Variants in SNTG1 observed in about 807,000 individuals in gnomAD.
The protein encoded by SNTG1 is gamma-1-syntrophin.
Under a neutral mutation model 74.7 loss-of-function variants are expected in SNTG1, and 39 were observed. The observed-to-expected ratio is 0.52, with a 90% CI of 0.40 to 0.68. The LOEUF is 0.68. SNTG1 is among the 30% of genes least tolerant of loss of function. The pLI is 0.00. For missense variants in SNTG1, 685 were observed against 609.5 expected, an observed-to-expected ratio of 1.12 and a Z score of -1.30; for synonymous variants, 254 against 217.1, an observed-to-expected ratio of 1.17 and a Z score of -1.49.
In SNTG1 at chr8:50,421,178, A is replaced by G. The variant is rs572782811; in HGVS notation, c.163-17365A>G. On this transcript the variant is annotated intron_variant, in intron 4 of 18. Transcript: ENST00000642720. ...ATCCATACCCCAAGAGAGGGCTCTT[A>G]GATCTCCACAAGAAAGAATTCAGTG... is the stretch of plus-strand genomic sequence containing the variant. Among the ~76,000 whole-genome samples, 1,398 of 152,182 alleles carry G rather than the reference A, an allele frequency of 9.2e-3. 26 individuals are homozygous for G. The highest frequency in any genetic ancestry group is 0.032 in the African/African-American group (1,326 of 41,516).
chr8:50,422,277 A>ATCTATCTG (rs58396998), intron 4 of SNTG1, among the ~76,000 whole-genome samples: 8,506 of 151,668 alleles, frequency 0.056, 288 homozygotes, highest in Admixed American at 0.09. Context: ...TCTACTATCT[A>ATCTATCTG]TCTATCTATG....
chr8:50,062,826 T>A (rs1030612540), intron 1 of SNTG1, among the ~76,000 whole-genome samples: 1 of 152,234 alleles, frequency 6.6e-6, no homozygotes, highest in Non-Finnish European at 1.5e-5. Flanking sequence ...TTTCATATAT[T>A]TTGTATTTTA....
chr8:50,211,290 T>C (rs1224842411), intron 2 of SNTG1, among the ~76,000 whole-genome samples: 1 of 152,142 alleles, frequency 6.6e-6, no homozygotes, highest in African/African-American at 2.4e-5. Flanking sequence ...ATTTTTAATA[T>C]CTTAAATGCA....
At chr8:50,220,813 A>G (rs1487291168) in intron 2 of SNTG1, among the ~76,000 whole-genome samples, 2 of 152,194 alleles carry the variant, frequency 1.3e-5, no homozygotes, top group Non-Finnish European at 2.9e-5. Flanking sequence ...TCTATTTCCC[A>G]ATAAAGATAT....
chr8:50,673,866 A>T (rs7824609), intron 15 of SNTG1, among the ~76,000 whole-genome samples: 6,619 of 152,210 alleles, frequency 0.043, 381 homozygotes, highest in South Asian at 0.12. Context: ...TACCTAGTTT[A>T]TTGAGAGTTT....
At position 50,694,438 on chromosome 8, in the gene SNTG1, G is replaced by A. The variant is rs573352497; in HGVS notation, c.1039-10162G>A. Among the ~76,000 whole-genome samples the A allele has an allele frequency of 7.2e-5, 11 of 152,220 alleles. No homozygotes were observed. The South Asian group carries it at 2.1e-3, about 29-fold the overall frequency. On this transcript the variant is annotated intron_variant, in intron 15 of 18. Transcript: ENST00000642720. ...AATAATGAGTGAGGAGACTGAATTAGTAATAAGAAGTCTCCCATCAGAGAA... is the reference window on the plus strand; with the variant it reads ...AATAATGAGTGAGGAGACTGAATTAATAATAAGAAGTCTCCCATCAGAGAA...
chr8:49,914,911 T>A (rs1391461116), intron 1 of SNTG1: 2 of 152,094 alleles, frequency 1.3e-5, no homozygotes, highest in Non-Finnish European at 2.9e-5. Flanking sequence ...ATCTGTACAG[T>A]GTGTTATAGA....
At chr8:50,416,189 G>T (rs1337768997) in intron 4 of SNTG1, among the ~76,000 whole-genome samples, 3 of 152,118 alleles carry the variant, frequency 2.0e-5, no homozygotes, top group Non-Finnish European at 4.4e-5. Context: ...ATTGGTTTTT[G>T]CACTGGGCAT....
chr8:50,602,116 A>C (rs1488684619), intron 13 of SNTG1, among the ~76,000 whole-genome samples: 2 of 151,880 alleles, frequency 1.3e-5, no homozygotes, highest in East Asian at 3.9e-4. Flanking sequence ...ATTTACATTC[A>C]ATGTTATTAT....
At chr8:50,610,055 A>C (rs2094839607) in intron 13 of SNTG1, among the ~76,000 whole-genome samples, 1 of 152,106 alleles carries the variant, frequency 6.6e-6, no homozygotes, top group African/African-American at 2.4e-5. Flanking sequence ...CTTTCGTTGA[A>C]AATTGGACAT....
chr8:50,570,936 C>T (rs1456399724), intron 12 of SNTG1, among the ~76,000 whole-genome samples: 1 of 151,994 alleles, frequency 6.6e-6, no homozygotes, highest in Admixed American at 6.6e-5. Flanking sequence ...AACCTCCACA[C>T]AGTTTTCCAT....
chr8:50,262,270 C>A (rs935684582), intron 2 of SNTG1, among the ~76,000 whole-genome samples: 1 of 152,108 alleles, frequency 6.6e-6, no homozygotes, highest in Admixed American at 6.5e-5. Context: ...AATCAATAAT[C>A]TAAGTTTCCA....
intron 1 of SNTG1, among the ~76,000 whole-genome samples, chr8:50,029,943 G>T (rs553193016): frequency 5.3e-5 from 8 of 152,070 alleles, no homozygotes; most frequent in Admixed American, 6.6e-5. Flanking sequence ...CATAGTGGCT[G>T]TACTAATCTA....
At chr8:50,103,627 C>T (rs914653379) in intron 1 of SNTG1, among the ~76,000 whole-genome samples, 18 of 152,286 alleles carry the variant, frequency 1.2e-4, no homozygotes, top group African/African-American at 4.1e-4. Context: ...GAGGGCATCC[C>T]TGTCTTGTGC....
intron 17 of SNTG1, among the ~76,000 whole-genome samples, chr8:50,731,438 T>C (rs1324832499): frequency 6.6e-6 from 1 of 152,178 alleles, no homozygotes; most frequent in Non-Finnish European, 1.5e-5. Context: ...ACACATATTT[T>C]ATACAGATCT....
intron 2 of SNTG1, among the ~76,000 whole-genome samples, chr8:50,386,485 CCTT>C (rs1303219280): frequency 1.3e-5 from 2 of 151,156 alleles, no homozygotes; most frequent in African/African-American, 4.8e-5. Flanking sequence ...GTATCAGCGT[CCTT>C]CTTTATGTGG....
At chr8:50,596,657 C>G (rs960180703) in intron 13 of SNTG1, among the ~76,000 whole-genome samples, 1 of 151,982 alleles carries the variant, frequency 6.6e-6, no homozygotes, top group Non-Finnish European at 1.5e-5. Flanking sequence ...TCTCATGACA[C>G]AAATACAAAA....
rs539375792 is a variant in SNTG1 at position 50,206,880 on chromosome 8, A to C, written c.-28+34245A>C. On this transcript the variant is annotated intron_variant, in intron 2 of 18. Transcript: ENST00000642720. ...TGATGGATTACGTTTATTGATTTTC[A>C]TATGTTGAACCAGACTTTCATCCTA... Among the ~76,000 whole-genome samples, 5 of 152,190 alleles carry C rather than the reference A, an allele frequency of 3.3e-5. No homozygotes were observed. In the East Asian group the frequency reaches 9.7e-4, roughly 29 times the overall value.
chr8:50,165,195 T>A (rs557253014), intron 1 of SNTG1, among the ~76,000 whole-genome samples: 1 of 152,340 alleles, frequency 6.6e-6, no homozygotes, highest in East Asian at 1.9e-4. Flanking sequence ...TATTGCTCGA[T>A]TTAATTAAGT....
Sources: allele counts gnomAD v4.1 joint callset (sites outside exome capture counted in the v4.1 genomes callset), GRCh38; gene constraint gnomAD v4.1.1; transcripts MANE v1.5; gene names NCBI Gene and HGNC (gene_info 2026-07-23, HGNC 2026-07-21).